DNAI1: variants seen among roughly 807,000 people sequenced by gnomAD.
The protein encoded by DNAI1 is dynein, axonemal, intermediate polypeptide 1.
DNAI1 carries 67 observed loss-of-function variants against 92.0 expected under a neutral mutation model. The ratio of observed to expected loss-of-function variants is 0.73; its 90% confidence interval spans 0.60 to 0.89. DNAI1 has a LOEUF of 0.89. DNAI1 is among the 40% of genes least tolerant of loss of function. The pLI, the probability that DNAI1 is intolerant of heterozygous loss-of-function variation, is 0.00. For synonymous variants in DNAI1, 323 were observed against 319.6 expected (o/e 1.01, Z -0.11); for missense variants, 839 against 866.6 (o/e 0.97, Z 0.40).
intron 1 of DNAI1, among the ~76,000 whole-genome samples, chr9:34,477,338 G>A (rs1476241587): frequency 6.6e-6 from 1 of 152,060 alleles, no homozygotes; most frequent in African/African-American, 2.4e-5. Flanking sequence ...TTCAAATCCT[G>A]GTCAACTTTG....
intron 1 of DNAI1, among the ~76,000 whole-genome samples, chr9:34,473,437 T>C (rs1588090327): frequency 6.6e-6 from 1 of 151,760 alleles, no homozygotes; most frequent in South Asian, 2.1e-4. Context: ...GGATTACAGG[T>C]ACTTGCCACC....
Position 34,481,930 on chromosome 9 carries a change from G to T in DNAI1, c.49-1518G>T, listed in dbSNP as rs1016640214. Among the ~76,000 whole-genome samples the T allele has an allele frequency of 9.2e-4, 140 of 152,274 alleles. 2 individuals carry two copies. The highest frequency in any genetic ancestry group is 3.0e-3 in the African/African-American group (125 of 41,560). The stretch of plus-strand genomic sequence containing the variant: ...CCGAGCAGGTTGCCAATGCTGGCTC[G>T]GGCAGCCTGCTTTTATTCTTATCTG... On this transcript the variant is annotated intron_variant, in intron 1 of 19. Transcript: ENST00000242317.
intron 1 of DNAI1, among the ~76,000 whole-genome samples, chr9:34,463,326 A>C (rs1181107109): frequency 2.0e-5 from 3 of 152,236 alleles, no homozygotes; most frequent in Admixed American, 6.5e-5. Flanking sequence ...TACCCTATAG[A>C]GTTAATCAAA....
chr9:34,472,611 A>C (rs1216352448), intron 1 of DNAI1, among the ~76,000 whole-genome samples: 1 of 152,206 alleles, frequency 6.6e-6, no homozygotes, highest in Non-Finnish European at 1.5e-5. Flanking sequence ...ATTCACATTT[A>C]ATACATTAGG....
chr9:34,469,558 T>C lies in DNAI1; in HGVS notation c.48+10505T>C, dbSNP rs536201415. Among the ~76,000 whole-genome samples the C allele has an allele frequency of 1.6e-4, 25 of 151,924 alleles. No individual in the cohort carries two copies. In the South Asian group the frequency reaches 5.0e-3, roughly 30 times the overall value. On this transcript the variant is annotated intron_variant, in intron 1 of 19. Transcript: ENST00000242317. ...CTGGGACTACAGCACTTTTTTTCTT[T>C]CTATTAATTTTCTTTTTGTTGTTGT... is the stretch of plus-strand genomic sequence containing the variant.
In DNAI1 at chr9:34,485,074, AG is replaced by A. The variant is rs1360600706; in HGVS notation, c.82-64del. ...GGCTTCTGGGAGTGTTTGTGAATGAAGGGGCTTTCTGTATGCTTGTCCAAGC... is the reference window on the plus strand; with the variant it reads ...GGCTTCTGGGAGTGTTTGTGAATGAAGGGCTTTCTGTATGCTTGTCCAAGC... On this transcript the variant is annotated intron_variant, in intron 2 of 19. Transcript: ENST00000242317. 9.3e-6 allele frequency: 14 copies of A among 1,512,040 alleles called. No homozygotes were observed. In the Admixed American group the frequency reaches 2.3e-4, roughly 25 times the overall value. 93.7% of individuals were successfully genotyped at this position (1,512,040 alleles called of 1,614,324 possible).
Position 34,501,133 on chromosome 9 carries a change from T to C in DNAI1, c.1020-5T>C. 6.2e-7 allele frequency: 1 copy of C among 1,612,636 alleles called. No individual in the cohort carries two copies. Among genetic ancestry groups the C allele is most frequent in the East Asian group, 2.2e-5 (1 of 44,882 alleles). The stretch of plus-strand genomic sequence containing the variant: ...ATGCCAATGGATTCATATTTTTTTT[T>C]GCAGGAATCCAAAGTACAGGGATCT... On this transcript the variant is annotated splice_region_variant and splice_polypyrimidine_tract_variant and intron_variant, in intron 11 of 19. Coordinates refer to ENST00000242317, the MANE Select transcript of DNAI1 (RefSeq NM_012144.4).
chr9:34,501,075 C>T, intron 11 of DNAI1, 63 bp from the exon 12 acceptor site: 9 of 1,391,478 alleles, frequency 6.5e-6, no homozygotes, highest in Non-Finnish European at 7.2e-6. Context: ...AATGGGAAGG[C>T]CCTTGTCCAC....
chr9:34,477,003 G>T (rs1824248448), intron 1 of DNAI1, among the ~76,000 whole-genome samples: 1 of 152,092 alleles, frequency 6.6e-6, no homozygotes, highest in South Asian at 2.1e-4. Context: ...TGGGCTCTTG[G>T]AGGCTTTATT....
At chr9:34,489,153 C>T (rs1025244551) in intron 4 of DNAI1, 170 bp from the exon 5 acceptor site, 5 of 720,468 alleles carry the variant, frequency 6.9e-6, no homozygotes, top group South Asian at 3.3e-5. Flanking sequence ...TCTTCCTTTT[C>T]TTCTTTAAAC....
At chr9:34,493,101 C>T in intron 8 of DNAI1, 93 bp from the exon 9 acceptor site, 1 of 1,569,716 alleles carries the variant, frequency 6.4e-7, no homozygotes, top group African/African-American at 1.4e-5. Context: ...CCAGGGTTAA[C>T]ATGACCAATT....
intron 9 of DNAI1, among the ~76,000 whole-genome samples, chr9:34,494,105 G>C (rs368745631): frequency 6.6e-6 from 1 of 152,044 alleles, no homozygotes; most frequent in East Asian, 1.9e-4. Flanking sequence ...TGGCGTGGGA[G>C]GGACAATGTC....
chr9:34,469,575 T>C (rs942117070), intron 1 of DNAI1, among the ~76,000 whole-genome samples: 32 of 152,000 alleles, frequency 2.1e-4, no homozygotes, highest in African/African-American at 7.5e-4. Context: ...ATTTTCTTTT[T>C]GTTGTTGTTT....
At chr9:34,516,744 CTTTT>C (rs543113261) in intron 18 of DNAI1, among the ~76,000 whole-genome samples, 2 of 135,060 alleles carry the variant, frequency 1.5e-5, no homozygotes, top group Non-Finnish European at 1.6e-5. Context: ...CTTTTCTTTT[CTTTT>C]TTTTTTTTTT....
At chr9:34,468,411 G>T (rs1255163019) in intron 1 of DNAI1, among the ~76,000 whole-genome samples, 2 of 150,662 alleles carry the variant, frequency 1.3e-5, no homozygotes, top group Non-Finnish European at 3.0e-5. Context: ...GGATGGTCTC[G>T]ATCTCCTAAC....
In DNAI1 at chr9:34,506,845, T is replaced by C; in HGVS notation, c.1282T>C (p.Ser428Pro). Residue 428 changes from serine (S) to proline (P), a missense_variant, in exon 13 of 20, where the codon TCT (serine) becomes CCT (proline). Physicochemically the swap from Ser to Pro is moderately conservative, Grantham distance 74. Transcript: ENST00000242317. Reference protein sequence around the residue: ...SQPSFCSSAKSGKHSDPVWQV... With the variant: ...SQPSFCSSAKPGKHSDPVWQV... ...GCCCTCCTTCTGCAGCTCAGCCAAG[T>C]CTGGCAAGCACTCAGACCCTGTGTG... The C allele has an allele frequency of 2.5e-6, 4 of 1,614,056 alleles. No homozygotes were observed. Among genetic ancestry groups the C allele is most frequent in the Non-Finnish European group, 3.4e-6 (4 of 1,180,016 alleles).
At chr9:34,501,532 C>T (rs2132072766) in intron 12 of DNAI1, among the ~76,000 whole-genome samples, 1 of 152,328 alleles carries the variant, frequency 6.6e-6, no homozygotes, top group South Asian at 2.1e-4. Context: ...CCTGGTAAGC[C>T]ATTCCAAAAA....
chr9:34,498,941 A>T (rs989638105), intron 10 of DNAI1, among the ~76,000 whole-genome samples: 2 of 152,330 alleles, frequency 1.3e-5, no homozygotes, highest in Middle Eastern at 3.4e-3. Flanking sequence ...GGCTTCTTGA[A>T]ACCCAGCCTC....
chr9:34,459,090 C>G, intron 1 of DNAI1, 37 bp downstream of exon 1: 2 of 1,593,970 alleles, frequency 1.3e-6, no homozygotes. Context: ...TGACCTCTGA[C>G]CTTCGTCGTC....
Sources: allele counts gnomAD v4.1 joint callset (sites outside exome capture counted in the v4.1 genomes callset), GRCh38; gene constraint gnomAD v4.1.1; transcripts MANE v1.5; gene names NCBI Gene and HGNC (gene_info 2026-07-23, HGNC 2026-07-21).